The following PCSK2 variants were observed in gnomAD, a reference collection of about 807,000 sequenced individuals.
PCSK2 encodes the protein proprotein convertase subtilisin/kexin type 2, also known as neuroendocrine convertase 2.
A neutral mutation model predicts 69.7 loss-of-function variants in PCSK2; 14 were observed. That is an observed-to-expected ratio of 0.20 (90% CI 0.13 to 0.31). The LOEUF (loss-of-function observed/expected upper bound fraction) is 0.31. Among genes scored for constraint, PCSK2 ranks in the 10% least tolerant of loss-of-function variants. The pLI is 1.00. For missense variants in PCSK2, 544 were observed against 842.5 expected (o/e 0.65, Z 4.39); for synonymous variants, 307 against 320.7 (o/e 0.96, Z 0.46).
At chr20:17,276,167 A>C (rs1215217388) in intron 2 of PCSK2, among the ~76,000 whole-genome samples, 1 of 152,160 alleles carries the variant, frequency 6.6e-6, no homozygotes, top group African/African-American at 2.4e-5. Flanking sequence ...CCATAAAAAA[A>C]TTAGTTATGC....
chr20:17,423,076 A>T (rs2032167074), intron 6 of PCSK2, among the ~76,000 whole-genome samples: 1 of 152,154 alleles, frequency 6.6e-6, no homozygotes, highest in African/African-American at 2.4e-5. Context: ...TTTTCTCCCC[A>T]ATTGATTTAG....
At chr20:17,360,231 C>G (rs2030343459) in intron 3 of PCSK2, among the ~76,000 whole-genome samples, 3 of 151,666 alleles carry the variant, frequency 2.0e-5, no homozygotes. Context: ...AATAGCAGCT[C>G]TCTTATGGAA....
intron 2 of PCSK2, among the ~76,000 whole-genome samples, chr20:17,329,953 T>C (rs943914146): frequency 2.0e-5 from 3 of 152,202 alleles, no homozygotes; most frequent in African/African-American, 7.2e-5. Context: ...AATAGAAATG[T>C]AATGTGAGCC....
intron 2 of PCSK2, among the ~76,000 whole-genome samples, chr20:17,281,535 G>T (rs1988312617): frequency 6.6e-6 from 1 of 152,182 alleles, no homozygotes; most frequent in South Asian, 2.1e-4. Context: ...AGTTCAGGCT[G>T]CTTGGTCTGG....
At chr20:17,335,294 G>C (rs1990314798) in intron 2 of PCSK2, among the ~76,000 whole-genome samples, 1 of 152,202 alleles carries the variant, frequency 6.6e-6, no homozygotes, top group Non-Finnish European at 1.5e-5. Flanking sequence ...TAGGACCAAA[G>C]CTCAGCCTCT....
intron 10 of PCSK2, among the ~76,000 whole-genome samples, chr20:17,461,311 A>G (rs2123394599): frequency 6.6e-6 from 1 of 152,334 alleles, no homozygotes; most frequent in East Asian, 1.9e-4. Context: ...CTCAGACTGG[A>G]AATAATCCAA....
intron 11 of PCSK2, among the ~76,000 whole-genome samples, chr20:17,475,211 G>C (rs1268444280): frequency 6.6e-6 from 1 of 151,700 alleles, no homozygotes; most frequent in Non-Finnish European, 1.5e-5. Context: ...CAGGAGCATT[G>C]GTTTTATGTA....
intron 6 of PCSK2, among the ~76,000 whole-genome samples, chr20:17,411,333 G>A (rs2031867251): frequency 6.6e-6 from 1 of 152,216 alleles, no homozygotes; most frequent in Non-Finnish European, 1.5e-5. Context: ...CCCAAATACT[G>A]TGCTTTTCCC....
intron 2 of PCSK2, among the ~76,000 whole-genome samples, chr20:17,276,922 C>G (rs894860417): frequency 2.0e-5 from 3 of 151,992 alleles, no homozygotes; most frequent in Non-Finnish European, 4.4e-5. Context: ...TATACACCAA[C>G]AACAGACAAA....
intron 2 of PCSK2, among the ~76,000 whole-genome samples, chr20:17,298,673 G>A (rs1298580889): frequency 1.3e-5 from 2 of 151,528 alleles, no homozygotes; most frequent in African/African-American, 2.4e-5. Flanking sequence ...TTTATCCCTC[G>A]ACGGGCTAGA....
At chr20:17,310,861 G>A (rs1212210212) in intron 2 of PCSK2, among the ~76,000 whole-genome samples, 1 of 151,434 alleles carries the variant, frequency 6.6e-6, no homozygotes, top group Admixed American at 6.6e-5. Flanking sequence ...TGTATTACGG[G>A]CGTGGTGGCA....
At chr20:17,347,998 G>T in intron 2 of PCSK2, among the ~76,000 whole-genome samples, 1 of 114,306 alleles carries the variant, frequency 8.7e-6, no homozygotes, top group Admixed American at 9.2e-5. Context: ...AGAGAAAAAA[G>T]AGAAAGAAAG....
At chr20:17,294,509 T>C (rs1312999072) in intron 2 of PCSK2, among the ~76,000 whole-genome samples, 1 of 152,218 alleles carries the variant, frequency 6.6e-6, no homozygotes, top group Non-Finnish European at 1.5e-5. Context: ...TTATTTCTCC[T>C]GCCCTCACAC....
chr20:17,447,850 G>A (rs1311184932), intron 8 of PCSK2, among the ~76,000 whole-genome samples: 1 of 152,096 alleles, frequency 6.6e-6, no homozygotes, highest in East Asian at 1.9e-4. Flanking sequence ...TATATAAATT[G>A]TGAGAAATAC....
At chr20:17,287,426 C>CGTATCTGTGT (rs1555785111) in intron 2 of PCSK2, among the ~76,000 whole-genome samples, 12 of 102,254 alleles carry the variant, frequency 1.2e-4, no homozygotes, top group Middle Eastern at 5.2e-3. Context: ...CCAGCATGTG[C>CGTATCTGTGT]GTGTCTGTGT....
intron 6 of PCSK2, 98 bp from the exon 7 acceptor site, chr20:17,429,337 A>T: frequency 1.2e-6 from 1 of 840,370 alleles, no homozygotes; most frequent in Non-Finnish European, 2.0e-6. Flanking sequence ...TATGATACGC[A>T]GATTTCATTT....
At chr20:17,310,445 A>C (rs555875390) in intron 2 of PCSK2, among the ~76,000 whole-genome samples, 27 of 152,268 alleles carry the variant, frequency 1.8e-4, no homozygotes, top group African/African-American at 6.0e-4. Flanking sequence ...TAATGAAAAT[A>C]ATAATATATT....
At chr20:17,467,293 C>G (rs1196269502) in intron 11 of PCSK2, among the ~76,000 whole-genome samples, 1 of 152,228 alleles carries the variant, frequency 6.6e-6, no homozygotes, top group Non-Finnish European at 1.5e-5. Flanking sequence ...CCCCATCAGT[C>G]TAATGTTCTC....
chr20:17,358,924 T>C (rs1445624905), intron 3 of PCSK2, among the ~76,000 whole-genome samples: 1 of 152,152 alleles, frequency 6.6e-6, no homozygotes, highest in Non-Finnish European at 1.5e-5. Context: ...CCTAAAACAA[T>C]GGCAGGAAAT....
Sources: gnomAD v4.1 joint callset for allele counts (sites outside exome capture counted in the v4.1 genomes callset) on GRCh38, gnomAD v4.1.1 for gene constraint, MANE v1.5 for transcripts, NCBI Gene and HGNC (gene_info 2026-07-23, HGNC 2026-07-21) for gene names.